Variants in RIMS1 observed in about 807,000 individuals in gnomAD.
RIMS1 encodes the protein regulating synaptic membrane exocytosis protein 1.
A neutral mutation model predicts 214.1 loss-of-function variants in RIMS1; 83 were observed. That is an observed-to-expected ratio of 0.39 (90% CI 0.32 to 0.47). RIMS1 has a LOEUF of 0.47. RIMS1 is among the 20% of genes least tolerant of loss of function. The probability of loss-of-function intolerance (pLI) is 0.99; values close to 1 mark genes in which losing one functional copy is unlikely to be tolerated. For missense variants in RIMS1, 2,050 were observed against 2,161.8 expected (o/e 0.95, Z 1.03); for synonymous variants, 793 against 786.8 (o/e 1.01, Z -0.13).
rs1189048441 is a variant in RIMS1 at position 72,252,769 on chromosome 6, C to G, written c.2707C>G (p.Arg903Gly). The part of the protein sequence containing the change: ...SSSKKLQRSQ[R>G]ISDSDISDYE... ...GCCTTACTGTTGTGCAGGATCTCAG[C>G]GAATCAGTGATAGTGACATCTCAGA... Residue 903 changes from arginine to glycine, a missense_variant, in exon 16 of 34, where the codon CGA becomes GGA. Around this residue, in one of 6 missense-constraint regions of RIMS1, gnomAD observed 889 missense variants for 885.5 expected, o/e 1.00. Transcript: ENST00000521978. The G allele has an allele frequency of 1.3e-6, 2 of 1,558,372 alleles. No individual in the cohort carries two copies. Among genetic ancestry groups the G allele is most frequent in the Admixed American group, 3.9e-5 (2 of 51,774 alleles).
intron 23 of RIMS1, among the ~76,000 whole-genome samples, chr6:72,283,699 T>A (rs1354629732): frequency 6.6e-6 from 1 of 152,116 alleles, no homozygotes; most frequent in Non-Finnish European, 1.5e-5. Flanking sequence ...ACATTTATCA[T>A]TATTACACTT....
intron 4 of RIMS1, among the ~76,000 whole-genome samples, chr6:72,150,246 A>G (rs2043353892): frequency 6.6e-6 from 1 of 152,106 alleles, no homozygotes; most frequent in Non-Finnish European, 1.5e-5. Flanking sequence ...TGACAGTGTA[A>G]AAAAAACAAT....
intron 2 of RIMS1, among the ~76,000 whole-genome samples, chr6:72,066,344 T>G (rs1309049829): frequency 6.6e-6 from 1 of 152,224 alleles, no homozygotes; most frequent in Non-Finnish European, 1.5e-5. Flanking sequence ...TTTCACTGAC[T>G]GTAAAACTGG....
intron 4 of RIMS1, among the ~76,000 whole-genome samples, chr6:72,123,598 A>T (rs1201357659): frequency 5.9e-5 from 9 of 151,694 alleles, no homozygotes; most frequent in Admixed American, 4.6e-4. Context: ...TATTATTGTG[A>T]GGGAGTCTAA....
chr6:72,398,467 A>C (rs887428139), intron 32 of RIMS1, 117 bp downstream of exon 32: 5 of 621,526 alleles, frequency 8.0e-6, no homozygotes, highest in Non-Finnish European at 1.3e-5. Context: ...TTGATTAAAA[A>C]AGCAGTGTTT....
At chr6:72,272,821 G>A (rs1339521848) in intron 22 of RIMS1, among the ~76,000 whole-genome samples, 1 of 152,104 alleles carries the variant, frequency 6.6e-6, no homozygotes, top group Non-Finnish European at 1.5e-5. Context: ...AGAAAATGCT[G>A]TCGTCGTAAT....
intron 2 of RIMS1, among the ~76,000 whole-genome samples, chr6:72,053,689 GA>G: frequency 6.6e-6 from 1 of 152,222 alleles, no homozygotes; most frequent in Non-Finnish European, 1.5e-5. Flanking sequence ...TATTGGAATA[GA>G]AAAGAACACA....
chr6:71,976,098 T>C (rs1013658421), intron 2 of RIMS1, among the ~76,000 whole-genome samples: 5 of 152,158 alleles, frequency 3.3e-5, no homozygotes, highest in African/African-American at 4.8e-5. Flanking sequence ...CTGGGTCATA[T>C]GGTAACTGTA....
chr6:72,258,061 C>T (rs2076595477), intron 16 of RIMS1, 64 bp from the exon 17 acceptor site: 2 of 1,383,362 alleles, frequency 1.4e-6, no homozygotes, highest in Admixed American at 1.9e-5. Context: ...TTTTATATTC[C>T]TGTGTTAATG....
Position 71,912,166 on chromosome 6 carries a change from A to T in RIMS1, c.164+24979A>T, listed in dbSNP as rs185716510. 3.4e-3 allele frequency among the ~76,000 whole-genome samples: 511 copies of T among 152,284 alleles called. 1 individual carries two copies. The highest frequency in any genetic ancestry group is 0.01 in the Middle Eastern group (3 of 294). ...ATGAAGAAGTTAGCTTAAAATATGG[A>T]ACTTAACCCTGCCTCTTCTGTGGTC... is the stretch of plus-strand genomic sequence containing the variant. On this transcript the variant is annotated intron_variant, in intron 1 of 33. Transcript: ENST00000521978.
At chr6:72,333,079 T>C (rs1004034565) in intron 28 of RIMS1, among the ~76,000 whole-genome samples, 2 of 151,918 alleles carry the variant, frequency 1.3e-5, no homozygotes, top group Non-Finnish European at 2.9e-5. Flanking sequence ...AGTTTTTGCT[T>C]TCTTTGCAGT....
At chr6:72,115,093 TTC>T (rs779377208) in intron 4 of RIMS1, among the ~76,000 whole-genome samples, 1 of 151,984 alleles carries the variant, frequency 6.6e-6, no homozygotes, top group Non-Finnish European at 1.5e-5. Flanking sequence ...GTAACCCAGT[TTC>T]TGTTTCATGA....
chr6:72,245,125 G>A (rs1375374188), intron 10 of RIMS1, among the ~76,000 whole-genome samples: 1 of 151,834 alleles, frequency 6.6e-6, no homozygotes, highest in African/African-American at 2.4e-5. Flanking sequence ...TATTTCTTCA[G>A]AGTAATTTGT....
At chr6:72,311,253 T>C (rs2095496249) in intron 27 of RIMS1, among the ~76,000 whole-genome samples, 1 of 152,206 alleles carries the variant, frequency 6.6e-6, no homozygotes, top group African/African-American at 2.4e-5. Context: ...TTTAGCACAG[T>C]GTTTCAAAAA....
intron 1 of RIMS1, among the ~76,000 whole-genome samples, chr6:71,967,258 G>A (rs1244362507): frequency 2.0e-5 from 3 of 151,944 alleles, no homozygotes; most frequent in Non-Finnish European, 4.4e-5. Context: ...CGTGGTGGTG[G>A]GCGCCTGTAG....
At chr6:72,294,162 A>G (rs2093781956) in intron 26 of RIMS1, among the ~76,000 whole-genome samples, 1 of 151,742 alleles carries the variant, frequency 6.6e-6, no homozygotes, top group East Asian at 1.9e-4. Flanking sequence ...CTATTTCAAA[A>G]TGAACAGTCC....
intron 29 of RIMS1, among the ~76,000 whole-genome samples, chr6:72,352,695 G>T (rs556898540): frequency 2.0e-5 from 3 of 152,028 alleles, no homozygotes; most frequent in Admixed American, 1.3e-4. Context: ...AATCCATATC[G>T]CAAAAGTATA....
At chr6:72,200,857 T>TTGTGTG (rs70994114) in intron 6 of RIMS1, among the ~76,000 whole-genome samples, 3,299 of 146,210 alleles carry the variant, frequency 0.023, 51 homozygotes, top group Middle Eastern at 0.042. Context: ...AAGGACACAA[T>TTGTGTG]TGTGTGTGTG....
intron 6 of RIMS1, among the ~76,000 whole-genome samples, chr6:72,203,516 C>G (rs1312304934): frequency 1.3e-5 from 2 of 152,048 alleles, no homozygotes; most frequent in Admixed American, 6.6e-5. Context: ...GAAAAGAGCC[C>G]AGAGGTTACA....
Sources: gnomAD v4.1 joint callset for allele counts (sites outside exome capture counted in the v4.1 genomes callset) on GRCh38, gnomAD v4.1.1 for gene constraint, gnomAD v4.1.1 regional missense constraint, MANE v1.5 for transcripts, NCBI Gene and HGNC (gene_info 2026-07-23, HGNC 2026-07-21) for gene names.